Variants in MACROD2 observed in about 807,000 individuals in gnomAD.
The protein encoded by MACROD2 is ADP-ribose glycohydrolase MACROD2.
MACROD2 carries 36 observed loss-of-function variants against 70.4 expected under a neutral mutation model. The ratio of observed to expected loss-of-function variants is 0.51; its 90% confidence interval spans 0.39 to 0.68. The LOEUF is 0.68. Ranked by LOEUF, MACROD2 falls within the 30% of genes least tolerant of loss-of-function variation. MACROD2 has a pLI of 0.00. For synonymous variants in MACROD2, 172 were observed against 178.8 expected, an observed-to-expected ratio of 0.96 and a Z score of 0.30; for missense variants, 496 against 538.4, an observed-to-expected ratio of 0.92 and a Z score of 0.78.
chr20:14,346,090 C>CAT (rs2083060830), intron 3 of MACROD2, among the ~76,000 whole-genome samples: 1 of 49,744 alleles, frequency 2.0e-5, no homozygotes, highest in Non-Finnish European at 3.7e-5. Context: ...TGAGATTCTG[C>CAT]CTCAAAAAAA....
At chr20:15,505,465 C>T (rs2047414119) in intron 8 of MACROD2, among the ~76,000 whole-genome samples, 1 of 152,074 alleles carries the variant, frequency 6.6e-6, no homozygotes, top group African/African-American at 2.4e-5. Flanking sequence ...GACAGAAACC[C>T]AGCGTTCTAG....
chr20:15,945,572 T>C (rs573053543), intron 12 of MACROD2, among the ~76,000 whole-genome samples: 4 of 152,358 alleles, frequency 2.6e-5, no homozygotes, highest in East Asian at 1.9e-4. Context: ...GTGTTTTTAA[T>C]AGATGTTGCC....
intron 5 of MACROD2, among the ~76,000 whole-genome samples, chr20:14,884,058 AC>A (rs1452304815): frequency 1.4e-4 from 22 of 152,172 alleles, no homozygotes; most frequent in African/African-American, 4.8e-4. Flanking sequence ...TCCCAAAATA[AC>A]AGTGTAACCC....
chr20:15,540,491 A>G (rs573444270), intron 8 of MACROD2, among the ~76,000 whole-genome samples: 93 of 152,208 alleles, frequency 6.1e-4, no homozygotes, highest in Non-Finnish European at 1.2e-3. Context: ...TGAACCAAGG[A>G]CAAGACTTTG....
At chr20:15,987,245 G>A (rs1415504153) in intron 15 of MACROD2, 87 bp downstream of exon 15, 32 of 1,085,732 alleles carry the variant, frequency 2.9e-5, no homozygotes, top group Admixed American at 5.3e-5. Context: ...TTATTCTCAT[G>A]CAATTACAGT....
intron 10 of MACROD2, 110 bp from the exon 11 acceptor site, chr20:15,933,166 G>A: frequency 1.0e-6 from 1 of 980,092 alleles, no homozygotes; most frequent in Non-Finnish European, 1.5e-6. Context: ...GCTTTATGGG[G>A]AGTCATGCTA....
chr20:15,832,699 G>T (rs1048353119), intron 8 of MACROD2, among the ~76,000 whole-genome samples: 1 of 152,220 alleles, frequency 6.6e-6, no homozygotes, highest in Non-Finnish European at 1.5e-5. Context: ...ACACAAAGCC[G>T]AACAGGGCAT....
intron 8 of MACROD2, among the ~76,000 whole-genome samples, chr20:15,823,158 C>T (rs2063957868): frequency 6.6e-6 from 1 of 152,096 alleles, no homozygotes; most frequent in African/African-American, 2.4e-5. Flanking sequence ...TTGCTAATGA[C>T]AAAGCAAAAG....
chr20:15,697,218 C>T (rs2050389347), intron 8 of MACROD2, among the ~76,000 whole-genome samples: 1 of 152,132 alleles, frequency 6.6e-6, no homozygotes, highest in Admixed American at 6.5e-5. Context: ...TTAGCACTCC[C>T]TTTGCTGTAT....
chr20:15,767,243 A>G (rs1444321562), intron 8 of MACROD2, among the ~76,000 whole-genome samples: 2 of 152,228 alleles, frequency 1.3e-5, no homozygotes, highest in Non-Finnish European at 1.5e-5. Context: ...TCATCTTTTG[A>G]GATGAATAGC....
chr20:15,541,746 T>C (rs934802975), intron 8 of MACROD2, among the ~76,000 whole-genome samples: 4 of 152,212 alleles, frequency 2.6e-5, no homozygotes, highest in Admixed American at 2.0e-4. Flanking sequence ...ACATAGGACC[T>C]TATATATGGT....
intron 3 of MACROD2, among the ~76,000 whole-genome samples, chr20:14,275,940 A>C (rs1225534175): frequency 2.6e-5 from 4 of 152,240 alleles, no homozygotes; most frequent in South Asian, 2.1e-4. Flanking sequence ...ACCATCTCAC[A>C]TCAGTTAGAA....
chr20:14,387,336 A>C (rs988480315), intron 3 of MACROD2, among the ~76,000 whole-genome samples: 6 of 152,126 alleles, frequency 3.9e-5, no homozygotes, highest in Non-Finnish European at 7.3e-5. Context: ...TGAAAGCTGC[A>C]GTTGTCCATT....
chr20:15,423,004 C>A (rs917315347), intron 6 of MACROD2, among the ~76,000 whole-genome samples: 1 of 152,128 alleles, frequency 6.6e-6, no homozygotes, highest in African/African-American at 2.4e-5. Flanking sequence ...ACTCTTTAAG[C>A]AATTTTATTT....
intron 5 of MACROD2, among the ~76,000 whole-genome samples, chr20:14,722,932 T>A (rs2071487449): frequency 6.6e-6 from 1 of 152,184 alleles, no homozygotes; most frequent in Admixed American, 6.5e-5. Flanking sequence ...AGAAATGACT[T>A]GTCAGCTTAT....
intron 3 of MACROD2, among the ~76,000 whole-genome samples, chr20:14,317,304 A>G (rs1458126276): frequency 6.6e-6 from 1 of 152,020 alleles, no homozygotes; most frequent in East Asian, 1.9e-4. Context: ...TTCACTTTAT[A>G]TTCCTTTGAG....
At chr20:14,729,918 A>C (rs1387863299) in intron 5 of MACROD2, among the ~76,000 whole-genome samples, 1 of 152,198 alleles carries the variant, frequency 6.6e-6, no homozygotes, top group Non-Finnish European at 1.5e-5. Flanking sequence ...TATTAAAATA[A>C]AAGGGAACTA....
At chr20:15,441,170 C>A (rs1452295626) in intron 7 of MACROD2, among the ~76,000 whole-genome samples, 1 of 152,126 alleles carries the variant, frequency 6.6e-6, no homozygotes, top group African/African-American at 2.4e-5. Context: ...TTTGGACAGA[C>A]AAGTTTAGCT....
At chr20:15,894,003 G>T in intron 10 of MACROD2, 2 of 445,548 alleles carry the variant, frequency 4.5e-6, no homozygotes, top group South Asian at 3.2e-5. Context: ...CTAGGGTCTC[G>T]CTTTCCCATG....
Sources: gnomAD v4.1 joint callset for allele counts (sites outside exome capture counted in the v4.1 genomes callset) on GRCh38, gnomAD v4.1.1 for gene constraint, MANE v1.5 for transcripts, NCBI Gene and HGNC (gene_info 2026-07-23, HGNC 2026-07-21) for gene names.